Variants in ERAP1 observed in about 807,000 individuals in gnomAD.
The protein encoded by ERAP1 is endoplasmic reticulum aminopeptidase 1.
Under a neutral mutation model 103.7 loss-of-function variants are expected in ERAP1, and 86 were observed. The observed-to-expected ratio is 0.83, with a 90% CI of 0.70 to 0.99. The LOEUF (loss-of-function observed/expected upper bound fraction) is 0.99. Among genes scored for constraint, ERAP1 ranks in the 50% least tolerant of loss-of-function variants. The probability of loss-of-function intolerance (pLI) is 0.00; values close to 1 mark genes in which losing one functional copy is unlikely to be tolerated. For missense variants in ERAP1, 1,009 were observed against 1,128.4 expected, an observed-to-expected ratio of 0.89 and a Z score of 1.52; for synonymous variants, 398 against 402.4, an observed-to-expected ratio of 0.99 and a Z score of 0.13.
the ERAP1 span, chr5:96,889,355 C>A: frequency 6.3e-7 from 1 of 1,597,328 alleles, no homozygotes; most frequent in Non-Finnish European, 8.6e-7. Flanking sequence ...ATAAAACTTG[C>A]TTTGATCTCT....
At chr5:96,819,459 A>G in the ERAP1 span, among the ~76,000 whole-genome samples, 2 of 152,174 alleles carry the variant, frequency 1.3e-5, no homozygotes, top group African/African-American at 4.8e-5. Context: ...GAGAGGAGGA[A>G]GGCAGGAGAG....
the ERAP1 span, among the ~76,000 whole-genome samples, chr5:96,920,306 T>A: frequency 2.1e-5 from 3 of 143,108 alleles, no homozygotes; most frequent in African/African-American, 5.2e-5. Context: ...CCCTGTCATT[T>A]AAAAAAAAAA....
At chr5:96,912,500 C>T in the ERAP1 span, 104 of 529,148 alleles carry the variant, frequency 2.0e-4, no homozygotes, top group East Asian at 3.5e-3. Flanking sequence ...TATAAGAGTT[C>T]GGCAGAGAAA....
rs1773844841 is a variant in ERAP1 at position 96,774,950 on chromosome 5, T to C, written c.*1446A>G. On this transcript the variant is annotated 3_prime_UTR_variant, in exon 19 of 19. Coordinates refer to ENST00000443439, the MANE Select transcript of ERAP1 (RefSeq NM_001040458.3). ...TCAATCATATTCCCTTATCTTGAAGTTTTTGCCTTATATTCAAAAAGTTCA... is the reference window on the plus strand; with the variant it reads ...TCAATCATATTCCCTTATCTTGAAGCTTTTGCCTTATATTCAAAAAGTTCA... The C allele has an allele frequency of 1.0e-6, 1 of 983,436 alleles. No homozygotes were observed. The highest frequency in any genetic ancestry group is 1.2e-6 in the Non-Finnish European group (1 of 828,688). 60.9% of individuals were successfully genotyped at this position (983,436 alleles called of 1,614,324 possible). A position where few individuals can be genotyped will look rare whatever the true frequency, so the allele number is the denominator to read the frequency against.
At chr5:96,791,947 A>G in intron 8 of ERAP1, 114 bp downstream of exon 8, 3 of 1,146,992 alleles carry the variant, frequency 2.6e-6, no homozygotes, top group Non-Finnish European at 3.9e-6. Context: ...GCACGTGTCA[A>G]GAGAGAAGGC....
chr5:96,835,412 G>A, the ERAP1 span, among the ~76,000 whole-genome samples: 3 of 152,134 alleles, frequency 2.0e-5, no homozygotes, highest in Non-Finnish European at 2.9e-5. Flanking sequence ...TGAAGACCAG[G>A]TAGAAGCTCA....
the ERAP1 span, chr5:96,919,265 T>C: frequency 2.0e-5 from 3 of 152,354 alleles, no homozygotes; most frequent in Admixed American, 1.3e-4. Flanking sequence ...CCCAATACAG[T>C]ACACATTTTT....
chr5:96,886,725 A>G, the ERAP1 span: 1 of 1,551,504 alleles, frequency 6.4e-7, no homozygotes, highest in Non-Finnish European at 8.8e-7. Flanking sequence ...ATGAGTACAT[A>G]CCTTGTAGCC....
At chr5:96,801,603 T>G (rs2150992989) in intron 2 of ERAP1, among the ~76,000 whole-genome samples, 1 of 152,028 alleles carries the variant, frequency 6.6e-6, no homozygotes, top group East Asian at 1.9e-4. Context: ...CCTGTAATCT[T>G]GGCACTTTGA....
the ERAP1 span, among the ~76,000 whole-genome samples, chr5:96,877,704 C>T: frequency 1.1e-4 from 16 of 151,416 alleles, no homozygotes; most frequent in Non-Finnish European, 1.8e-4. Context: ...GATTCCAAAG[C>T]CTCAGACCCA....
the ERAP1 span, among the ~76,000 whole-genome samples, chr5:96,900,785 C>G: frequency 6.6e-6 from 1 of 152,058 alleles, no homozygotes; most frequent in African/African-American, 2.4e-5. Flanking sequence ...CAACCAATTC[C>G]TCTGCCTCAG....
chr5:96,910,388 A>G, the ERAP1 span: 1 of 152,116 alleles, frequency 6.6e-6, no homozygotes, highest in Non-Finnish European at 1.5e-5. Context: ...TTAAAAAAGT[A>G]ATTCAAGTTT....
At chr5:96,893,025 G>A in the ERAP1 span, among the ~76,000 whole-genome samples, 1 of 152,178 alleles carries the variant, frequency 6.6e-6, no homozygotes, top group African/African-American at 2.4e-5. Flanking sequence ...GATAGGGAAA[G>A]TGTGCGGATC....
At chr5:96,799,389 G>A (rs2150985711) in intron 3 of ERAP1, among the ~76,000 whole-genome samples, 1 of 152,096 alleles carries the variant, frequency 6.6e-6, no homozygotes, top group African/African-American at 2.4e-5. Flanking sequence ...TTAGATTTCT[G>A]TTAGTGAGAG....
the ERAP1 span, among the ~76,000 whole-genome samples, chr5:96,929,153 C>T: frequency 1.3e-5 from 2 of 152,226 alleles, no homozygotes; most frequent in South Asian, 4.1e-4. Flanking sequence ...CCAAACAGTG[C>T]ACTTGGATCT....
chr5:96,826,942 AAGGAAT>A, the ERAP1 span, among the ~76,000 whole-genome samples: 1 of 152,248 alleles, frequency 6.6e-6, no homozygotes, highest in Non-Finnish European at 1.5e-5. Context: ...TTTTTAGTGC[AAGGAAT>A]AGCTATAAAA....
At chr5:96,765,158 G>A in intron 19 of ERAP1, 1 of 920,992 alleles carries the variant, frequency 1.1e-6, no homozygotes, top group East Asian at 2.4e-5. Context: ...GAGTTCCTGG[G>A]CTAATTTGCC....
intron 18 of ERAP1, 69 bp downstream of exon 18, chr5:96,780,354 T>G (rs546607972): frequency 3.0e-4 from 339 of 1,145,274 alleles, no homozygotes; most frequent in Non-Finnish European, 3.7e-4. Context: ...AAGTATTTTG[T>G]CTACCCCATA....
chr5:96,909,883 C>A, the ERAP1 span: 9 of 959,040 alleles, frequency 9.4e-6, no homozygotes, highest in Non-Finnish European at 1.2e-5. Flanking sequence ...ACATGCTGGG[C>A]ATTACAAACC....
Sources: gnomAD v4.1 joint callset for allele counts (sites outside exome capture counted in the v4.1 genomes callset) on GRCh38, gnomAD v4.1.1 for gene constraint, MANE v1.5 for transcripts, NCBI Gene and HGNC (gene_info 2026-07-23, HGNC 2026-07-21) for gene names.